Variants in ZBBX observed in about 807,000 individuals in gnomAD.
ZBBX encodes the protein zinc finger B-box domain-containing protein 1.
ZBBX carries 101 observed loss-of-function variants against 108.5 expected under a neutral mutation model. The ratio of observed to expected loss-of-function variants is 0.93; its 90% CI spans 0.79 to 1.10. ZBBX has a LOEUF of 1.10. ZBBX is among the 50% of genes least tolerant of loss of function. The pLI is 0.00. For missense variants in ZBBX, 1,009 were observed against 941.4 expected (o/e 1.07, Z -0.94); for synonymous variants, 356 against 323.4 (o/e 1.10, Z -1.08).
the ZBBX span, among the ~76,000 whole-genome samples, chr3:167,199,492 C>T: frequency 6.6e-6 from 1 of 152,170 alleles, no homozygotes; most frequent in East Asian, 1.9e-4. Flanking sequence ...ATGCACATGA[C>T]TCAGGAAATA....
Position 167,254,189 on chromosome 3 carries a change from A to T in ZBBX, c.2255-11546T>A, listed in dbSNP as rs188553351. Among the ~76,000 whole-genome samples, 396 of 152,280 alleles carry T rather than the reference A, an allele frequency of 2.6e-3. 3 individuals are homozygous for T. The highest frequency in any genetic ancestry group is 9.3e-3 in the African/African-American group (387 of 41,562). ...CAGTTTTTCTGGGACACACACACTG[A>T]CATATTTTTTTGTAAAGTGTTACAA... is the stretch of plus-strand genomic sequence containing the variant. On this transcript the variant is annotated intron_variant, in intron 20 of 21. Coordinates refer to ENST00000675490, the MANE Select transcript of ZBBX (RefSeq NM_001199201.2).
At chr3:167,348,314 G>GAGAA (rs71176641) in intron 9 of ZBBX, among the ~76,000 whole-genome samples, 9,335 of 65,570 alleles carry the variant, frequency 0.14, 994 homozygotes, top group Non-Finnish European at 0.18. Flanking sequence ...GAGAAAGAAA[G>GAGAA]AGAAAGAAAG....
chr3:167,206,791 T>TA, the ZBBX span, among the ~76,000 whole-genome samples: 2 of 152,030 alleles, frequency 1.3e-5, no homozygotes, highest in African/African-American at 4.8e-5. Context: ...ATTAAACACA[T>TA]AGACAAATGG....
At chr3:167,197,254 G>A in the ZBBX span, among the ~76,000 whole-genome samples, 1 of 152,060 alleles carries the variant, frequency 6.6e-6, no homozygotes, top group Non-Finnish European at 1.5e-5. Context: ...AATTTAAAAT[G>A]TAGGCTGGGC....
intron 20 of ZBBX, among the ~76,000 whole-genome samples, chr3:167,276,646 C>T (rs1217169493): frequency 9.9e-5 from 15 of 152,184 alleles, no homozygotes; most frequent in African/African-American, 2.9e-4. Context: ...ACGGGGAGAA[C>T]GGAACCAAGT....
At chr3:167,375,946 T>C (rs947280479) in intron 2 of ZBBX, among the ~76,000 whole-genome samples, 4 of 152,320 alleles carry the variant, frequency 2.6e-5, no homozygotes, top group Middle Eastern at 3.4e-3. Flanking sequence ...GTGATCCCTA[T>C]TAGTGGTCCC....
intron 20 of ZBBX, among the ~76,000 whole-genome samples, chr3:167,268,324 C>T (rs1725928153): frequency 6.6e-6 from 1 of 151,884 alleles, no homozygotes; most frequent in Non-Finnish European, 1.5e-5. Context: ...GCATTCTCTT[C>T]TCGGGGGAAG....
the ZBBX span, among the ~76,000 whole-genome samples, chr3:167,227,887 C>A: frequency 0.013 from 2,023 of 151,840 alleles, 22 homozygotes; most frequent in South Asian, 0.026. Context: ...ATATTAGGAA[C>A]AAGGCACGGG....
chr3:167,348,369 A>AAAGAAAG lies in ZBBX; in HGVS notation c.528+2050_528+2051insCTTTCTT, dbSNP rs759038070. Among the ~76,000 whole-genome samples the AAAGAAAG allele has an allele frequency of 7.8e-4, 110 of 140,628 alleles. 1 individual carries two copies. Among genetic ancestry groups the AAAGAAAG allele is most frequent in the African/African-American group, 2.7e-3 (98 of 36,566 alleles). 92.3% of individuals were successfully genotyped at this position (140,628 alleles called of 152,430 possible). A position where few individuals can be genotyped will look rare whatever the true frequency, so the allele number is the denominator to read the frequency against. On this transcript the variant is annotated intron_variant, in intron 9 of 21. Coordinates refer to ENST00000675490, the MANE Select transcript of ZBBX (RefSeq NM_001199201.2). Reference sequence around the variant, plus strand: ...GAAAGAAAGAAAGAAAGAAAGAAAGAAAAAAAAGAAAAGAAAAGAAGAAGG... The same window carrying AAAGAAAG: ...GAAAGAAAGAAAGAAAGAAAGAAAGAAAGAAAGAAAAAAAGAAAAGAAAAGAAGAAGG...
chr3:167,311,349 C>T (rs539591514), intron 16 of ZBBX, among the ~76,000 whole-genome samples: 8 of 152,136 alleles, frequency 5.3e-5, no homozygotes, highest in African/African-American at 1.9e-4. Flanking sequence ...AGCTATGAAT[C>T]TCTCAAAAGA....
chr3:167,286,029 A>G (rs1729632125), intron 19 of ZBBX, among the ~76,000 whole-genome samples: 1 of 152,214 alleles, frequency 6.6e-6, no homozygotes, highest in African/African-American at 2.4e-5. Context: ...GGTAAATGTG[A>G]TAGAGGAACT....
At chr3:167,356,055 T>TC (rs1194909230) in intron 8 of ZBBX, among the ~76,000 whole-genome samples, 1 of 152,052 alleles carries the variant, frequency 6.6e-6, no homozygotes, top group Non-Finnish European at 1.5e-5. Flanking sequence ...CTGTTCAAGT[T>TC]CCATGGCTCA....
chr3:167,406,727 G>C (rs1291663561), intron 1 of ZBBX, among the ~76,000 whole-genome samples: 2 of 152,202 alleles, frequency 1.3e-5, no homozygotes, highest in Non-Finnish European at 2.9e-5. Flanking sequence ...GATCGCAAAT[G>C]AGTAAGCCCT....
chr3:167,368,539 A>T lies in ZBBX; in HGVS notation c.104T>A (p.Leu35Ter), dbSNP rs200749252. Residue 35 changes from leucine (L) to a stop codon, truncating the protein, a stop_gained, in exon 5 of 22, where the codon TTA becomes TAA. Transcript: ENST00000675490. LOFTEE classifies it high-confidence loss of function. ...CTCCATCTCTTGGTTCTCAAACTCTAACTGTACTTTCTCCATTCGCAGTTC... is the reference window on the plus strand; with the variant it reads ...CTCCATCTCTTGGTTCTCAAACTCTTACTGTACTTTCTCCATTCGCAGTTC... ...AQELRMEKVQ[L>*]EFENQEMEKK... The T allele has an allele frequency of 2.5e-6, 4 of 1,611,602 alleles. No homozygotes were observed. The South Asian group carries it at 4.4e-5, about 18-fold the overall frequency.
intron 2 of ZBBX, among the ~76,000 whole-genome samples, chr3:167,377,679 T>A (rs1747176970): frequency 1.3e-5 from 2 of 151,606 alleles, no homozygotes; most frequent in South Asian, 4.1e-4. Context: ...TTTAAATATA[T>A]ATATTTTTTA....
Position 167,313,974 on chromosome 3 carries a change from C to A in ZBBX, c.1417G>T (p.Ala473Ser). The part of the protein sequence containing the change: ...SSTYYKDNSK[A>S]ETSNTDFDNI... Reference sequence around the variant, plus strand: ...TATCCAGCAACAAGAAAAATGTTACCTTTTGAATTATCTTTATAATAAGTA... The same window carrying A: ...TATCCAGCAACAAGAAAAATGTTACATTTTGAATTATCTTTATAATAAGTA... The change falls in exon 16 of 22, where the codon GCA (alanine) becomes TCA (serine). Residue 473 changes from alanine to serine, a missense_variant and splice_region_variant. Coordinates refer to ENST00000675490, the MANE Select transcript of ZBBX (RefSeq NM_001199201.2). 6.4e-7 allele frequency: 1 copy of A among 1,572,104 alleles called. No homozygotes were observed.
chr3:167,368,787 G>T, intron 4 of ZBBX: 1 of 1,171,620 alleles, frequency 8.5e-7, no homozygotes, highest in Non-Finnish European at 1.1e-6. Flanking sequence ...TTAGACTTTT[G>T]TTTTAATTAT....
chr3:167,181,078 TA>T, the ZBBX span, among the ~76,000 whole-genome samples: 1 of 152,210 alleles, frequency 6.6e-6, no homozygotes, highest in Non-Finnish European at 1.5e-5. Flanking sequence ...GCTTATCTGT[TA>T]ACCATTTTAA....
chr3:167,288,796 C>G, intron 19 of ZBBX, 71 bp downstream of exon 19: 1 of 962,494 alleles, frequency 1.0e-6, no homozygotes, highest in Non-Finnish European at 1.5e-6. Flanking sequence ...GCCTACTAAA[C>G]TGCTAAAAAA....
Sources: allele counts gnomAD v4.1 joint callset (sites outside exome capture counted in the v4.1 genomes callset), GRCh38; gene constraint gnomAD v4.1.1; transcripts MANE v1.5; gene names NCBI Gene and HGNC (gene_info 2026-07-23, HGNC 2026-07-21).